PRDM11: variants seen among roughly 807,000 people sequenced by gnomAD.
PRDM11 encodes PR/SET domain 11.
A neutral mutation model predicts 97.8 loss-of-function variants in PRDM11; 20 were observed. That is an observed-to-expected ratio of 0.20 (90% confidence interval 0.14 to 0.30). The LOEUF is 0.30. Ranked by LOEUF, PRDM11 falls within the 10% of genes least tolerant of loss-of-function variation. The probability of loss-of-function intolerance (pLI) is 1.00; values close to 1 mark genes in which losing one functional copy is unlikely to be tolerated. For synonymous variants in PRDM11, 599 were observed against 637.7 expected, an observed-to-expected ratio of 0.94 and a Z score of 0.91; for missense variants, 1,139 against 1,555.2, an observed-to-expected ratio of 0.73 and a Z score of 4.50.
intron 1 of PRDM11, among the ~76,000 whole-genome samples, chr11:45,130,720 G>A (rs759623870): frequency 6.6e-6 from 1 of 152,000 alleles, no homozygotes; most frequent in Non-Finnish European, 1.5e-5. Context: ...TGCAAATAGG[G>A]TCATATTGCT....
rs1852474993 is a variant in PRDM11 at position 45,181,002 on chromosome 11, GC to G, written c.-6-755del. 2.0e-5 allele frequency among the ~76,000 whole-genome samples: 3 copies of G among 152,304 alleles called. No individual in the cohort carries two copies. In the South Asian group the frequency reaches 6.2e-4, roughly 32 times the overall value. On this transcript the variant is annotated intron_variant, in intron 1 of 7. Transcript: ENST00000683152. ...GAGGAGCAGGGGTGTGGCCAGCGGG[GC>G]CCCGGGTAGTGAGTCACACACGCCG...
chr11:45,210,105 C>G (rs1299885572), intron 5 of PRDM11, among the ~76,000 whole-genome samples: 2 of 152,154 alleles, frequency 1.3e-5, no homozygotes, highest in Admixed American at 1.3e-4. Flanking sequence ...TGTGAAGGCC[C>G]GGGCCGGGCC....
intron 1 of PRDM11, among the ~76,000 whole-genome samples, chr11:45,153,950 A>G (rs1009103096): frequency 5.9e-5 from 9 of 152,232 alleles, no homozygotes; most frequent in Admixed American, 5.2e-4. Flanking sequence ...TCACACAGCT[A>G]TCATCTCATT....
chr11:45,189,291 T>A (rs566991446), intron 4 of PRDM11, among the ~76,000 whole-genome samples: 37 of 152,216 alleles, frequency 2.4e-4, no homozygotes, highest in Admixed American at 1.4e-3. Flanking sequence ...ACATAAAATA[T>A]ACCACAATGG....
intron 7 of PRDM11, 138 bp from the exon 8 acceptor site, chr11:45,225,857 A>T: frequency 8.9e-7 from 1 of 1,127,782 alleles, no homozygotes; most frequent in Non-Finnish European, 1.2e-6. Context: ...CTGGGCTGGG[A>T]TTCAATCCAT....
intron 4 of PRDM11, among the ~76,000 whole-genome samples, chr11:45,200,902 G>A (rs1305055619): frequency 6.6e-6 from 1 of 152,204 alleles, no homozygotes; most frequent in Non-Finnish European, 1.5e-5. Context: ...CCAGAGTAAT[G>A]AGAGTTGAGA....
chr11:45,144,789 C>T (rs1240939206), upstream of PRDM11, among the ~76,000 whole-genome samples: 1 of 152,226 alleles, frequency 6.6e-6, no homozygotes, highest in African/African-American at 2.4e-5. Flanking sequence ...AATCTTTCTC[C>T]TCAAAAGGAA....
intron 1 of PRDM11, among the ~76,000 whole-genome samples, chr11:45,162,721 G>A (rs1337486294): frequency 1.3e-5 from 2 of 152,214 alleles, no homozygotes; most frequent in East Asian, 1.9e-4. Flanking sequence ...AATCATGGCA[G>A]TATAGCTTCA....
chr11:45,217,297 G>C (rs1853983975), intron 5 of PRDM11, among the ~76,000 whole-genome samples: 1 of 152,064 alleles, frequency 6.6e-6, no homozygotes, highest in African/African-American at 2.4e-5. Flanking sequence ...AAAGGAAAAG[G>C]GGCTCTTTTC....
intron 4 of PRDM11, 117 bp from the exon 5 acceptor site, chr11:45,204,594 C>A: frequency 1.1e-6 from 1 of 912,604 alleles, no homozygotes; most frequent in Non-Finnish European, 1.8e-6. Flanking sequence ...GGTGACATTT[C>A]AGGGGGAGGG....
intron 4 of PRDM11, among the ~76,000 whole-genome samples, chr11:45,200,835 G>A (rs1853300626): frequency 6.6e-6 from 1 of 152,200 alleles, no homozygotes; most frequent in Admixed American, 6.5e-5. Context: ...CACAAAGGCA[G>A]TACAGTCTTA....
intron 1 of PRDM11, among the ~76,000 whole-genome samples, chr11:45,123,660 T>C (rs1166001016): frequency 1.1e-4 from 16 of 150,990 alleles, no homozygotes; most frequent in South Asian, 4.2e-4. Flanking sequence ...GTTGTAGATA[T>C]GCAGCATTAT....
rs1854423299 is a variant in PRDM11 at position 45,232,814 on chromosome 11, G to A, written c.*4655G>A. ...TGGATGGTGCTGTGATATTTTTAAGGAGCCTTTCAGGCAATGTTTGCATGT... is the reference window on the plus strand; with the variant it reads ...TGGATGGTGCTGTGATATTTTTAAGAAGCCTTTCAGGCAATGTTTGCATGT... On this transcript the variant is annotated 3_prime_UTR_variant, in exon 8 of 8. Coordinates refer to ENST00000683152, the MANE Select transcript of PRDM11 (RefSeq NM_001384648.1). 1 of 152,176 alleles carries A rather than the reference G, an allele frequency of 6.6e-6. No individual in the cohort carries two copies. Among genetic ancestry groups the A allele is most frequent in the African/African-American group, 2.4e-5 (1 of 41,428 alleles). The allele number at this position is 152,176 out of a possible 1,614,324, so 9.4% of individuals were successfully genotyped here.
chr11:45,171,777 G>A (rs1257184302), intron 1 of PRDM11, among the ~76,000 whole-genome samples: 2 of 152,228 alleles, frequency 1.3e-5, no homozygotes, highest in African/African-American at 4.8e-5. Flanking sequence ...GTAAGAGGAA[G>A]TGCAGAGGTA....
At position 45,197,464 on chromosome 11, in the gene PRDM11, A is replaced by G. The variant is rs563143803; in HGVS notation, c.487-7247A>G. 3.9e-5 allele frequency among the ~76,000 whole-genome samples: 6 copies of G among 152,286 alleles called. No individual in the cohort carries two copies. The South Asian group carries it at 1.2e-3, about 32-fold the overall frequency. The stretch of plus-strand genomic sequence containing the variant: ...TAGTTTACTGTATTGCATGCTTAAA[A>G]ATTTGCTAAAAGGGTAGATCTTATG... On this transcript the variant is annotated intron_variant, in intron 4 of 7. Transcript: ENST00000683152.
At chr11:45,198,748 G>A (rs1214048192) in intron 4 of PRDM11, among the ~76,000 whole-genome samples, 2 of 152,218 alleles carry the variant, frequency 1.3e-5, no homozygotes, top group African/African-American at 4.8e-5. Flanking sequence ...GCCCAGAAGA[G>A]TCCTGGTTGA....
intron 3 of PRDM11, among the ~76,000 whole-genome samples, chr11:45,182,596 G>A (rs1209895004): frequency 6.6e-6 from 1 of 152,188 alleles, no homozygotes; most frequent in Non-Finnish European, 1.5e-5. Context: ...TGGCCCAAAG[G>A]GGTACAGTTG....
intron 1 of PRDM11, among the ~76,000 whole-genome samples, chr11:45,179,389 C>G (rs758262641): frequency 4.6e-5 from 7 of 152,162 alleles, no homozygotes; most frequent in Non-Finnish European, 1.0e-4. Context: ...GTGATAGAAT[C>G]TATTATTAGC....
In PRDM11 at chr11:45,227,932, C is replaced by T. The variant is rs1257886536; in HGVS notation, c.3307C>T (p.Arg1103Cys). ...CCTCCAGCGAGTTCGCAAAAACCAC[C>T]GCTCCCGCCTGACCCTGGAGCAGCT... ...NALQRVRKNH[R>C]SRLTLEQLSD... The change falls in exon 8 of 8, where the codon CGC becomes TGC. Residue 1103 changes from arginine to cysteine, a missense_variant. This residue lies in a region of PRDM11 where 710 missense variants were observed against 1,044.9 expected (regional missense o/e 0.68). Transcript: ENST00000683152. The surrounding 1 kb of genome is among the most constrained non-coding windows in gnomAD (Gnocchi z 8.0). 102 of 1,533,890 alleles carry T rather than the reference C, an allele frequency of 6.6e-5. No homozygotes were observed. The highest frequency in any genetic ancestry group is 2.3e-4 in the Middle Eastern group (1 of 4,358).
Sources: gnomAD v4.1 joint callset for allele counts (sites outside exome capture counted in the v4.1 genomes callset) on GRCh38, gnomAD v4.1.1 for gene constraint, gnomAD v4.1.1 regional missense constraint, Gnocchi (gnomAD v3.1) non-coding constraint, MANE v1.5 for transcripts, NCBI Gene and HGNC (gene_info 2026-07-23, HGNC 2026-07-21) for gene names.